The following CLEC1A variants were observed in gnomAD, a reference collection of about 807,000 sequenced individuals.
CLEC1A encodes C-type lectin domain family 1 member A.
A neutral mutation model predicts 28.7 loss-of-function variants in CLEC1A; 34 were observed. The ratio of observed to expected loss-of-function variants is 1.18; its 90% confidence interval spans 0.90 to 1.57. The LOEUF (loss-of-function observed/expected upper bound fraction) is 1.57, where lower values mean the gene tolerates loss of function less well. CLEC1A is among the 40% of genes most tolerant of loss of function. The probability of loss-of-function intolerance (pLI) is 0.00; values close to 1 mark genes in which losing one functional copy is unlikely to be tolerated. For synonymous variants in CLEC1A, 116 were observed against 121.0 expected, an observed-to-expected ratio of 0.96 and a Z score of 0.27; for missense variants, 385 against 339.5, an observed-to-expected ratio of 1.13 and a Z score of -1.05.
intron 2 of CLEC1A, 81 bp from the exon 3 acceptor site, chr12:10,081,494 A>G: frequency 8.2e-7 from 1 of 1,220,170 alleles, no homozygotes. Flanking sequence ...AAGACAAAAC[A>G]GTATATTTTT....
intron 1 of CLEC1A, among the ~76,000 whole-genome samples, chr12:10,098,451 C>T (rs75968667): frequency 0.1 from 15,372 of 152,032 alleles, 1,022 homozygotes; most frequent in Non-Finnish European, 0.15. Context: ...GAATATGATG[C>T]TACCAGGATA....
chr12:10,095,745 A>T (rs1947768188), intron 1 of CLEC1A, among the ~76,000 whole-genome samples: 1 of 152,138 alleles, frequency 6.6e-6, no homozygotes, highest in East Asian at 1.9e-4. Context: ...CACAGTCATT[A>T]TCATTGACTT....
At chr12:10,082,644 T>G (rs1195104609) in intron 2 of CLEC1A, among the ~76,000 whole-genome samples, 2 of 152,092 alleles carry the variant, frequency 1.3e-5, no homozygotes, top group African/African-American at 4.8e-5. Flanking sequence ...CTGAGAAACC[T>G]GAATACTCAT....
chr12:10,084,436 A>C (rs1866437998), intron 2 of CLEC1A: 1 of 150,726 alleles, frequency 6.6e-6, no homozygotes, highest in African/African-American at 2.5e-5. Flanking sequence ...CTAGAAGCTC[A>C]AAAAACACCT....
chr12:10,071,766 T>C (rs551597050), intron 5 of CLEC1A, among the ~76,000 whole-genome samples: 47 of 152,326 alleles, frequency 3.1e-4, no homozygotes, highest in Middle Eastern at 3.4e-3. Flanking sequence ...CAAATTTATA[T>C]AGTGTTTCTG....
At chr12:10,084,045 T>A (rs1335757353) in intron 2 of CLEC1A, 1 of 152,072 alleles carries the variant, frequency 6.6e-6, no homozygotes, top group African/African-American at 2.4e-5. Context: ...GTTGGAGTTA[T>A]AGTAAATGGC....
Position 10,070,087 on chromosome 12 carries a change from C to T in CLEC1A, c.*1246G>A, listed in dbSNP as rs1177008374. Reference sequence around the variant, plus strand: ...TGTGATGGTGTCATTCCCAATGATCCCTGTTATATTTGTGCATGGAGTCGT... The same window carrying T: ...TGTGATGGTGTCATTCCCAATGATCTCTGTTATATTTGTGCATGGAGTCGT... On this transcript the variant is annotated 3_prime_UTR_variant, in exon 6 of 6. Transcript: ENST00000315330. 1 of 152,108 alleles carries T rather than the reference C, an allele frequency of 6.6e-6. No homozygotes were observed. Among genetic ancestry groups the T allele is most frequent in the Non-Finnish European group, 1.5e-5 (1 of 68,020 alleles). 9.4% of individuals were successfully genotyped at this position (152,108 alleles called of 1,614,324 possible). A position where few individuals can be genotyped will look rare whatever the true frequency, so the allele number is the denominator to read the frequency against.
chr12:10,088,862 T>G (rs1272307650), intron 2 of CLEC1A, among the ~76,000 whole-genome samples: 2 of 152,158 alleles, frequency 1.3e-5, no homozygotes, highest in African/African-American at 4.8e-5. Flanking sequence ...ATAAATGATT[T>G]TTTTTAAACA....
intron 1 of CLEC1A, among the ~76,000 whole-genome samples, chr12:10,091,720 T>C (rs1947705115): frequency 6.6e-6 from 1 of 152,062 alleles, no homozygotes; most frequent in Admixed American, 6.5e-5. Flanking sequence ...CAAAACCCTA[T>C]ATTTGTAAAC....
intron 1 of CLEC1A, among the ~76,000 whole-genome samples, chr12:10,098,012 G>T (rs1947801755): frequency 1.3e-5 from 2 of 150,748 alleles, no homozygotes; most frequent in South Asian, 4.2e-4. Context: ...TAGGAGAAAG[G>T]AAGGAAAACT....
chr12:10,091,739 A>T (rs1947705381), intron 1 of CLEC1A, among the ~76,000 whole-genome samples: 1 of 152,138 alleles, frequency 6.6e-6, no homozygotes. Flanking sequence ...ACTTCCATAC[A>T]GTCCAAGAAA....
rs769331860 is a variant in CLEC1A at position 10,073,334 on chromosome 12, C to T, written c.621G>A (p.Lys207=). 9 of 1,614,054 alleles carry T rather than the reference C, an allele frequency of 5.6e-6. No individual in the cohort carries two copies. The East Asian group carries it at 2.0e-4, about 36-fold the overall frequency. The change falls in exon 5 of 6, where the codon AAG becomes AAA. Residue 207 remains lysine, a synonymous_variant. Transcript: ENST00000315330. ...GGGTTCCATCCATCCACAGCCAGGC[C>T]TTGCCACTGTCAGGGCGCAAAAGCC... ...WTGLLRPDSG[K]AWLWMDGTPF...
intron 1 of CLEC1A, among the ~76,000 whole-genome samples, chr12:10,091,772 G>A (rs6488253): frequency 0.7 from 106,278 of 152,020 alleles, 40,485 homozygotes; most frequent in Non-Finnish European, 0.88. Context: ...GATGTTTCTA[G>A]ATTCCATAGT....
chr12:10,097,046 T>C (rs184037648), intron 1 of CLEC1A, among the ~76,000 whole-genome samples: 8 of 152,342 alleles, frequency 5.3e-5, no homozygotes, highest in Non-Finnish European at 1.2e-4. Context: ...TTGGACATTA[T>C]ATCCTCAGTA....
intron 2 of CLEC1A, 29 bp from the exon 3 acceptor site, chr12:10,081,442 C>T: frequency 6.5e-7 from 1 of 1,527,888 alleles, no homozygotes; most frequent in Non-Finnish European, 8.8e-7. Flanking sequence ...TCAGACTGGA[C>T]AGCTTATTTC....
intron 1 of CLEC1A, among the ~76,000 whole-genome samples, chr12:10,096,285 A>C (rs1330636421): frequency 6.6e-6 from 1 of 152,074 alleles, no homozygotes; most frequent in Non-Finnish European, 1.5e-5. Context: ...ATTACATCAA[A>C]CAGAACCTAG....
At chr12:10,080,512 C>T (rs927387097) in intron 3 of CLEC1A, among the ~76,000 whole-genome samples, 5 of 152,052 alleles carry the variant, frequency 3.3e-5, no homozygotes, top group African/African-American at 1.2e-4. Context: ...AGACTTTGCC[C>T]TCCTTCAGAG....
intron 1 of CLEC1A, among the ~76,000 whole-genome samples, chr12:10,090,498 CA>C (rs1316462060): frequency 6.6e-6 from 1 of 152,098 alleles, no homozygotes; most frequent in African/African-American, 2.4e-5. Context: ...CTCCTGAGCT[CA>C]AGTGATCCTC....
intron 2 of CLEC1A, among the ~76,000 whole-genome samples, chr12:10,087,204 CAAAAAAAA>C (rs59407880): frequency 1.3e-5 from 1 of 76,002 alleles, no homozygotes; most frequent in Non-Finnish European, 2.3e-5. Flanking sequence ...GACTCCATCT[CAAAAAAAA>C]AAAAAAAAAA....
Sources: gnomAD v4.1 joint callset for allele counts (sites outside exome capture counted in the v4.1 genomes callset) on GRCh38, gnomAD v4.1.1 for gene constraint, MANE v1.5 for transcripts, NCBI Gene and HGNC (gene_info 2026-07-23, HGNC 2026-07-21) for gene names.